Variants in A2ML1 observed in about 807,000 individuals in gnomAD.
The protein encoded by A2ML1 is alpha-2-macroglobulin-like protein 1.
Under a neutral mutation model 181.9 loss-of-function variants are expected in A2ML1, and 161 were observed. The observed-to-expected ratio is 0.89, with a 90% CI of 0.78 to 1.01. The LOEUF is 1.01. Among genes scored for constraint, A2ML1 ranks in the 50% least tolerant of loss-of-function variants. The pLI is 0.00. For synonymous variants in A2ML1, 663 were observed against 666.8 expected, an observed-to-expected ratio of 0.99 and a Z score of 0.09; for missense variants, 1,670 against 1,768.1, an observed-to-expected ratio of 0.94 and a Z score of 1.00.
At position 8,857,317 on chromosome 12, in the gene A2ML1, G is replaced by C. The variant is rs768554605; in HGVS notation, c.3002G>C (p.Arg1001Pro). The C allele has an allele frequency of 6.2e-7, 1 of 1,613,812 alleles. No individual in the cohort carries two copies. Among genetic ancestry groups the C allele is most frequent in the Non-Finnish European group, 8.5e-7 (1 of 1,180,002 alleles). Reference sequence around the variant, plus strand: ...CTGCTGACGGAGGAGATCAGGTCTCGGGCAGTGGGTTTCCTGGAAATAGGT... The same window carrying C: ...CTGCTGACGGAGGAGATCAGGTCTCCGGCAGTGGGTTTCCTGGAAATAGGT... Reference protein sequence around the residue: ...AGLLTEEIRSRAVGFLEIGYQ... With the variant: ...AGLLTEEIRSPAVGFLEIGYQ... Residue 1001 changes from arginine to proline, a missense_variant, in exon 24 of 36, where the codon CGG (arginine) becomes CCG (proline). Coordinates refer to ENST00000299698, the MANE Select transcript of A2ML1 (RefSeq NM_144670.6).
At position 8,823,802 on chromosome 12, in the gene A2ML1, A is replaced by C. The variant is rs993853566; in HGVS notation, c.329A>C (p.Lys110Thr). 4.3e-6 allele frequency: 7 copies of C among 1,614,156 alleles called. 1 individual carries two copies. The Middle Eastern group carries it at 8.3e-4, about 190-fold the overall frequency. Residue 110 changes from lysine to threonine, a missense_variant, in exon 3 of 36, where the codon AAG becomes ACG. Transcript: ENST00000299698. ...GGAAATAACATCAGCTTTGAGGAGAAGAAAAAGGTTCTAATTCAGAGGCAG... is the reference window on the plus strand; with the variant it reads ...GGAAATAACATCAGCTTTGAGGAGACGAAAAAGGTTCTAATTCAGAGGCAG... ...GVGNNISFEE[K>T]KKVLIQRQGN... is the part of the protein sequence containing the mutation.
intron 12 of A2ML1, chr12:8,845,017 C>T: frequency 7.0e-7 from 1 of 1,426,758 alleles, no homozygotes; most frequent in Non-Finnish European, 9.1e-7. Flanking sequence ...GTCAGAAGGG[C>T]TCAGGGTGGT....
downstream of A2ML1, among the ~76,000 whole-genome samples, chr12:8,887,435 T>TA (rs138201164): frequency 0.01 from 1,589 of 152,312 alleles, 31 homozygotes; most frequent in African/African-American, 0.037. Context: ...ACAAGATAGA[T>TA]AAGCATGAGT....
chr12:8,842,498 C>T (rs1319965926), intron 11 of A2ML1, among the ~76,000 whole-genome samples: 4 of 152,142 alleles, frequency 2.6e-5, no homozygotes, highest in African/African-American at 9.7e-5. Flanking sequence ...GGATTACAGG[C>T]GTGAGCCACC....
At chr12:8,873,301 C>T (rs1301220042) in intron 33 of A2ML1, among the ~76,000 whole-genome samples, 1 of 151,354 alleles carries the variant, frequency 6.6e-6, no homozygotes, top group Non-Finnish European at 1.5e-5. Flanking sequence ...CTTCAGTGGC[C>T]CGATCTTGGC....
intron 34 of A2ML1, among the ~76,000 whole-genome samples, 184 bp downstream of exon 34, chr12:8,874,711 C>A (rs768890093): frequency 6.6e-6 from 1 of 152,082 alleles, no homozygotes; most frequent in Admixed American, 6.6e-5. Context: ...TTTTAAGTTG[C>A]GTACACTAGA....
chr12:8,867,550 G>A (rs1565492191), intron 29 of A2ML1, among the ~76,000 whole-genome samples: 2 of 152,130 alleles, frequency 1.3e-5, no homozygotes, highest in African/African-American at 4.8e-5. Flanking sequence ...GGGAGGCTTA[G>A]GGAGGAGAAT....
At chr12:8,869,056 A>G in intron 32 of A2ML1, 79 bp from the exon 33 acceptor site, 2 of 1,397,198 alleles carry the variant, frequency 1.4e-6, no homozygotes, top group Non-Finnish European at 2.0e-6. Flanking sequence ...TGTTTCCTTG[A>G]TCATGGCAGA....
chr12:8,842,364 GCC>G (rs1565472452), intron 11 of A2ML1, among the ~76,000 whole-genome samples: 3 of 151,176 alleles, frequency 2.0e-5, no homozygotes, highest in African/African-American at 7.3e-5. Context: ...GACTACAGGC[GCC>G]TGCCACCACG....
In A2ML1 at chr12:8,823,376, ACT is replaced by A; in HGVS notation, c.246+13_246+14del. 3 of 1,609,346 alleles carry A rather than the reference ACT, an allele frequency of 1.9e-6. No individual in the cohort carries two copies. Among genetic ancestry groups the A allele is most frequent in the Non-Finnish European group, 2.5e-6 (3 of 1,177,400 alleles). On this transcript the variant is annotated intron_variant, in intron 2 of 35. Coordinates refer to ENST00000299698, the MANE Select transcript of A2ML1 (RefSeq NM_144670.6). ...TGTATCTCCTTTCTTGTAAGCACAG[ACT>A]CAGCCCTCACTCGAATCCCTTACTT...
intron 21 of A2ML1, 133 bp downstream of exon 21, chr12:8,854,382 C>G (rs902940043): frequency 2.2e-6 from 3 of 1,374,956 alleles, no homozygotes; most frequent in Non-Finnish European, 2.9e-6. Context: ...CTTCCCTGGC[C>G]CCTTGAACAT....
chr12:8,834,913 CT>C (rs1363361783), intron 5 of A2ML1: 3 of 558,626 alleles, frequency 5.4e-6, no homozygotes, highest in Non-Finnish European at 6.3e-6. Context: ...TCTGTAATGA[CT>C]ACACCGCTCT....
intron 11 of A2ML1, among the ~76,000 whole-genome samples, chr12:8,842,344 G>T (rs996755477): frequency 6.6e-6 from 1 of 151,234 alleles, no homozygotes; most frequent in Non-Finnish European, 1.5e-5. Context: ...CAGCCTCCCC[G>T]AGTAGCTGGG....
At chr12:8,839,340 T>G (rs981589178) in intron 10 of A2ML1, 118 bp downstream of exon 10, 1 of 613,820 alleles carries the variant, frequency 1.6e-6, no homozygotes, top group Non-Finnish European at 2.8e-6. Context: ...TTATGTGTAT[T>G]CATTTTAATC....
At chr12:8,883,439 C>T (rs1274080751) in intron 7 of A2ML1, among the ~76,000 whole-genome samples, 2 of 152,230 alleles carry the variant, frequency 1.3e-5, no homozygotes, top group Non-Finnish European at 2.9e-5. Context: ...CAAAAAGTAA[C>T]CGGAAGTCCC....
chr12:8,841,476 T>C lies in A2ML1; in HGVS notation c.1188T>C (p.Asn396=), dbSNP rs1384267141. The change falls in exon 11 of 36, where the codon AAT becomes AAC. Residue 396 remains asparagine (N), a synonymous_variant. Coordinates refer to ENST00000299698, the MANE Select transcript of A2ML1 (RefSeq NM_144670.6). The part of the protein sequence containing the change: ...TFNQTLVTDN[N]GLAPFTLETS... ...ACCAGACCCTGGTTACTGATAACAA[T>C]GGCCTAGCTCCCTTTACCTTGGAGA... 6.2e-7 allele frequency: 1 copy of C among 1,614,046 alleles called. No homozygotes were observed. The highest frequency in any genetic ancestry group is 1.3e-5 in the African/African-American group (1 of 74,930).
chr12:8,841,614 A>C, intron 11 of A2ML1, 78 bp downstream of exon 11: 2 of 1,467,192 alleles, frequency 1.4e-6, no homozygotes, highest in Non-Finnish European at 1.9e-6. Context: ...CCTGTTTCCT[A>C]TTCTCCCCTC....
chr12:8,868,553 A>G lies in A2ML1; in HGVS notation c.4078A>G (p.Ser1360Gly). The change falls in exon 32 of 36, where the codon AGC (serine) becomes GGC (glycine). Residue 1360 changes from serine to glycine, a missense_variant. Transcript: ENST00000299698. ...TIHTSYVGSR[S>G]SSNMAIVEVK... ...TGCTCTCAGTTATGTGGGGAGCCGT[A>G]GCTCTTCCAATATGGCTATTGTGGA... 1 of 1,613,920 alleles carries G rather than the reference A, an allele frequency of 6.2e-7. No homozygotes were observed. The highest frequency in any genetic ancestry group is 8.5e-7 in the Non-Finnish European group (1 of 1,180,004).
Position 8,823,809 on chromosome 12 carries a change from G to C in A2ML1, c.336G>C (p.Lys112Asn), listed in dbSNP as rs757155996. The C allele has an allele frequency of 6.2e-7, 1 of 1,613,988 alleles. No individual in the cohort carries two copies. The change falls in exon 3 of 36, where the codon AAG (lysine) becomes AAC (asparagine). Residue 112 changes from lysine (K) to asparagine (N), a missense_variant. Transcript: ENST00000299698. ...GNNISFEEKK[K>N]VLIQRQGNGT... ...ACATCAGCTTTGAGGAGAAGAAAAA[G>C]GTTCTAATTCAGAGGCAGGGGAACG...
Sources: gnomAD v4.1 joint callset for allele counts (sites outside exome capture counted in the v4.1 genomes callset) on GRCh38, gnomAD v4.1.1 for gene constraint, MANE v1.5 for transcripts, NCBI Gene and HGNC (gene_info 2026-07-23, HGNC 2026-07-21) for gene names.